DGKB: variants seen among roughly 807,000 people sequenced by gnomAD.
DGKB encodes the protein 90 kDa diacylglycerol kinase.
In DGKB, 67 loss-of-function variants were observed where a neutral mutation model predicts 114.3. The observed-to-expected ratio is 0.59, with a 90% CI of 0.48 to 0.72. The LOEUF is 0.72. Ranked by LOEUF, DGKB falls within the 30% of genes least tolerant of loss-of-function variation. The pLI, the probability that DGKB is intolerant of heterozygous loss-of-function variation, is 0.00. For synonymous variants in DGKB, 398 were observed against 323.1 expected, an observed-to-expected ratio of 1.23 and a Z score of -2.49; for missense variants, 907 against 975.2, an observed-to-expected ratio of 0.93 and a Z score of 0.93.
intron 1 of DGKB, among the ~76,000 whole-genome samples, chr7:14,919,016 T>C (rs1433816103): frequency 6.7e-6 from 1 of 149,502 alleles, no homozygotes; most frequent in African/African-American, 2.5e-5. Flanking sequence ...TGAGCTGTCA[T>C]GCCACTGCAC....
Position 14,245,298 on chromosome 7 carries a change from T to C in DGKB, c.2123-67147A>G, listed in dbSNP as rs188034960. Among the ~76,000 whole-genome samples, 557 of 152,314 alleles carry C rather than the reference T, an allele frequency of 3.7e-3. 3 individuals are homozygous for C. Among genetic ancestry groups the C allele is most frequent in the African/African-American group, 0.011 (454 of 41,562 alleles). On this transcript the variant is annotated intron_variant, in intron 23 of 25. Coordinates refer to ENST00000402815, the MANE Select transcript of DGKB (RefSeq NM_001350709.2). ...AAAATCCCATATTTAATTATGATTA[T>C]TTAACAGTGATATCAGGTAAGGATG...
chr7:14,198,818 GA>G (rs1265618055), intron 23 of DGKB, among the ~76,000 whole-genome samples: 2 of 151,982 alleles, frequency 1.3e-5, no homozygotes, highest in African/African-American at 4.8e-5. Context: ...GTTGGATTTG[GA>G]AAAGTCTGGG....
At chr7:14,520,050 T>C (rs1789493971) in intron 20 of DGKB, among the ~76,000 whole-genome samples, 1 of 151,846 alleles carries the variant, frequency 6.6e-6, no homozygotes, top group Non-Finnish European at 1.5e-5. Flanking sequence ...TTTAATTTTA[T>C]CAGATTCCAA....
intron 21 of DGKB, among the ~76,000 whole-genome samples, chr7:14,368,444 G>A (rs1260080710): frequency 2.0e-5 from 3 of 152,068 alleles, no homozygotes; most frequent in Admixed American, 6.6e-5. Context: ...AGCACTAGGC[G>A]TGGCACACAG....
At chr7:14,941,261 A>C (rs953562873) in intron 1 of DGKB, among the ~76,000 whole-genome samples, 1 of 152,102 alleles carries the variant, frequency 6.6e-6, no homozygotes, top group African/African-American at 2.4e-5. Context: ...AAAACAGCCT[A>C]TGTGATGAAA....
intron 17 of DGKB, among the ~76,000 whole-genome samples, chr7:14,596,178 G>C (rs1346225960): frequency 1.3e-5 from 2 of 152,000 alleles, no homozygotes; most frequent in African/African-American, 4.8e-5. Context: ...ACAAGCACAG[G>C]AATAATGATA....
At chr7:14,422,414 A>G (rs1267703376) in intron 21 of DGKB, among the ~76,000 whole-genome samples, 3 of 152,108 alleles carry the variant, frequency 2.0e-5, no homozygotes, top group African/African-American at 7.2e-5. Context: ...TTATAAATAC[A>G]TGTGTACTTT....
intron 20 of DGKB, among the ~76,000 whole-genome samples, chr7:14,561,846 G>T (rs910484635): frequency 2.6e-5 from 4 of 152,220 alleles, no homozygotes; most frequent in African/African-American, 9.6e-5. Flanking sequence ...TTTCGGGGGA[G>T]AAATTCAAGC....
chr7:14,179,675 G>C (rs370424780), intron 23 of DGKB, among the ~76,000 whole-genome samples: 3 of 152,268 alleles, frequency 2.0e-5, no homozygotes, highest in African/African-American at 4.8e-5. Flanking sequence ...AGTTCGTTAA[G>C]CCCAGGATCG....
chr7:14,365,187 A>G (rs539086445), intron 21 of DGKB, among the ~76,000 whole-genome samples: 61 of 152,136 alleles, frequency 4.0e-4, no homozygotes, highest in African/African-American at 1.4e-3. Context: ...AATAATGAGA[A>G]TAAATTTATT....
chr7:14,746,664 A>G (rs1439139810), intron 4 of DGKB, among the ~76,000 whole-genome samples: 1 of 151,914 alleles, frequency 6.6e-6, no homozygotes, highest in Non-Finnish European at 1.5e-5. Context: ...ACGCCCAGCT[A>G]ATTTTTGTAT....
At chr7:14,263,433 C>G (rs996960224) in intron 23 of DGKB, among the ~76,000 whole-genome samples, 2 of 152,172 alleles carry the variant, frequency 1.3e-5, no homozygotes, top group Admixed American at 1.3e-4. Flanking sequence ...CAACCCACAA[C>G]TCATTTTCCA....
At chr7:14,639,364 T>C (rs1811318176) in intron 13 of DGKB, among the ~76,000 whole-genome samples, 1 of 152,178 alleles carries the variant, frequency 6.6e-6, no homozygotes, top group African/African-American at 2.4e-5. Flanking sequence ...CATCTCAGTG[T>C]CAAACACTGT....
intron 9 of DGKB, among the ~76,000 whole-genome samples, chr7:14,692,142 A>G (rs1038485741): frequency 6.6e-6 from 1 of 151,882 alleles, no homozygotes; most frequent in Non-Finnish European, 1.5e-5. Context: ...ATATTTATAA[A>G]TTAAATAATA....
At chr7:14,468,052 T>G (rs1480687619) in intron 21 of DGKB, among the ~76,000 whole-genome samples, 1 of 152,170 alleles carries the variant, frequency 6.6e-6, no homozygotes, top group Non-Finnish European at 1.5e-5. Context: ...CTTATTATAT[T>G]ATTGATAGAA....
chr7:14,599,066 A>C (rs1327458135), intron 17 of DGKB, among the ~76,000 whole-genome samples: 2 of 152,226 alleles, frequency 1.3e-5, no homozygotes, highest in Non-Finnish European at 2.9e-5. Flanking sequence ...TATAATGATT[A>C]CTATTAAAGT....
At chr7:14,610,407 G>T (rs566226257) in intron 16 of DGKB, among the ~76,000 whole-genome samples, 2 of 152,030 alleles carry the variant, frequency 1.3e-5, no homozygotes, top group East Asian at 3.9e-4. Flanking sequence ...AGGAAGATAT[G>T]AAAAAAACTA....
intron 5 of DGKB, among the ~76,000 whole-genome samples, chr7:14,733,245 C>T (rs1831175485): frequency 1.3e-5 from 2 of 152,184 alleles, no homozygotes; most frequent in South Asian, 4.1e-4. Context: ...ATTTAAGAAT[C>T]TAAAAATATT....
At chr7:14,426,437 G>T (rs1827536735) in intron 21 of DGKB, among the ~76,000 whole-genome samples, 1 of 152,158 alleles carries the variant, frequency 6.6e-6, no homozygotes, top group African/African-American at 2.4e-5. Context: ...TTGCTGAATG[G>T]ATGCATGAAT....
Sources: allele counts gnomAD v4.1 joint callset (sites outside exome capture counted in the v4.1 genomes callset), GRCh38; gene constraint gnomAD v4.1.1; transcripts MANE v1.5; gene names NCBI Gene and HGNC (gene_info 2026-07-23, HGNC 2026-07-21).